IGFL2: variants seen among roughly 807,000 people sequenced by gnomAD.
The protein encoded by IGFL2 is insulin growth factor-like family member 2.
In IGFL2, 7 loss-of-function variants were observed where a neutral mutation model predicts 13.9. That is an observed-to-expected ratio of 0.51 (90% CI 0.29 to 0.95). The LOEUF is 0.95. Among genes scored for constraint, IGFL2 ranks in the 40% least tolerant of loss-of-function variants. IGFL2 has a pLI of 0.08. For missense variants in IGFL2, 138 were observed against 147.8 expected (o/e 0.93, Z 0.34); for synonymous variants, 55 against 55.8 (o/e 0.99, Z 0.07).
the IGFL2 span, among the ~76,000 whole-genome samples, chr19:46,097,432 A>G: frequency 1.1e-4 from 16 of 151,800 alleles, no homozygotes; most frequent in African/African-American, 3.4e-4. Context: ...CTAGCAGTCT[A>G]TTGATTTTAT....
chr19:46,139,355 T>A (rs775842630), upstream of IGFL2, among the ~76,000 whole-genome samples: 31 of 150,494 alleles, frequency 2.1e-4, no homozygotes, highest in Non-Finnish European at 4.0e-4. Context: ...TTTTTTTTTT[T>A]AAAAACGAAA....
downstream of IGFL2, among the ~76,000 whole-genome samples, chr19:46,161,747 A>C (rs545877793): frequency 6.6e-6 from 1 of 152,244 alleles, no homozygotes; most frequent in African/African-American, 2.4e-5. Flanking sequence ...ACAGCATACC[A>C]TTGGGTCTTG....
the IGFL2 span, among the ~76,000 whole-genome samples, chr19:46,126,466 C>T: frequency 4.0e-4 from 61 of 152,324 alleles, 2 homozygotes; most frequent in South Asian, 0.013. Flanking sequence ...TTTGACAACT[C>T]CTTCTGCCTT....
At chr19:46,127,010 A>G in the IGFL2 span, among the ~76,000 whole-genome samples, 1 of 152,202 alleles carries the variant, frequency 6.6e-6, no homozygotes, top group South Asian at 2.1e-4. Context: ...AGATGAAGAC[A>G]CACTTGAAAA....
the IGFL2 span, among the ~76,000 whole-genome samples, chr19:46,169,434 C>G: frequency 8.2e-4 from 125 of 152,100 alleles, 2 homozygotes; most frequent in Middle Eastern, 0.017. Context: ...AAAATAATGC[C>G]ACTCAAAAGA....
the IGFL2 span, among the ~76,000 whole-genome samples, chr19:46,174,536 A>T: frequency 6.6e-6 from 1 of 152,208 alleles, no homozygotes; most frequent in South Asian, 2.1e-4. Flanking sequence ...GAAAAACTGG[A>T]TGTTGGTGGG....
chr19:46,138,444 G>A (rs1251484956), upstream of IGFL2, among the ~76,000 whole-genome samples: 1 of 152,180 alleles, frequency 6.6e-6, no homozygotes, highest in Non-Finnish European at 1.5e-5. Context: ...CTCCAACGTG[G>A]GGTGTTGACA....
the IGFL2 span, among the ~76,000 whole-genome samples, chr19:46,175,811 G>A: frequency 6.7e-6 from 1 of 150,268 alleles, no homozygotes; most frequent in East Asian, 2.0e-4. Flanking sequence ...AAAGTGCTGG[G>A]ATTACAAGCA....
chr19:46,134,593 A>G, the IGFL2 span, among the ~76,000 whole-genome samples: 1 of 152,202 alleles, frequency 6.6e-6, no homozygotes, highest in Non-Finnish European at 1.5e-5. Flanking sequence ...CTCATATTAG[A>G]TAAGGAGTAT....
chr19:46,104,005 C>T, the IGFL2 span, among the ~76,000 whole-genome samples: 5 of 152,060 alleles, frequency 3.3e-5, no homozygotes, highest in South Asian at 2.1e-4. Context: ...TCCAGTCCAT[C>T]GAGGTTGTAG....
At chr19:46,147,674 T>C (rs1973211838), upstream of IGFL2, 1 of 152,188 alleles carries the variant, frequency 6.6e-6, no homozygotes, top group African/African-American at 2.4e-5. Flanking sequence ...AGGGGATAAA[T>C]AGCTTGTTGT....
chr19:46,084,247 G>C, the IGFL2 span, among the ~76,000 whole-genome samples: 1 of 152,198 alleles, frequency 6.6e-6, no homozygotes, highest in Non-Finnish European at 1.5e-5. Flanking sequence ...GTGCAGTTGA[G>C]AAGAATGTGT....
rs1416512698 is a variant in IGFL2 at position 46,161,173 on chromosome 19, A to T, written c.*85A>T. 9.6e-7 allele frequency: 1 copy of T among 1,044,590 alleles called. No individual in the cohort carries two copies. The highest frequency in any genetic ancestry group is 1.4e-6 in the Non-Finnish European group (1 of 697,736). 64.7% of individuals were successfully genotyped at this position (1,044,590 alleles called of 1,614,324 possible). On this transcript the variant is annotated 3_prime_UTR_variant, in exon 4 of 4. Transcript: ENST00000377693. ...ATATGTGTACCAGTAGAGAAGCCTGAGGAATTTACAAAATGATGCAGCTCC... is the reference window on the plus strand; with the variant it reads ...ATATGTGTACCAGTAGAGAAGCCTGTGGAATTTACAAAATGATGCAGCTCC...
At chr19:46,137,642 C>T in the IGFL2 span, 1 of 740,248 alleles carries the variant, frequency 1.4e-6, no homozygotes, top group African/African-American at 1.7e-5. Context: ...CTGCGTGACC[C>T]AGGATGGGGA....
At chr19:46,196,833 CCCT>C in the IGFL2 span, 1 of 152,714 alleles carries the variant, frequency 6.5e-6, no homozygotes, top group African/African-American at 2.4e-5. Flanking sequence ...TCCTCCAGAG[CCCT>C]CCTCTTCTTC....
the IGFL2 span, among the ~76,000 whole-genome samples, chr19:46,136,080 T>C: frequency 1.3e-5 from 2 of 152,182 alleles, no homozygotes; most frequent in African/African-American, 2.4e-5. Context: ...ATGGTCCTCA[T>C]GTATAGTATC....
the IGFL2 span, among the ~76,000 whole-genome samples, chr19:46,123,600 C>T: frequency 6.6e-6 from 1 of 150,852 alleles, no homozygotes; most frequent in Non-Finnish European, 1.5e-5. Context: ...TGTTTTTTTA[C>T]ATCAGGAAGG....
chr19:46,111,240 T>C, the IGFL2 span: 25 of 152,618 alleles, frequency 1.6e-4, 1 homozygote, highest in African/African-American at 4.8e-4. Flanking sequence ...CTCCTACAAC[T>C]TGCAGTACCA....
intron 1 of IGFL2, chr19:46,160,134 T>C: frequency 2.2e-6 from 1 of 460,464 alleles, no homozygotes; most frequent in Non-Finnish European, 4.0e-6. Context: ...TGCTCCCTCC[T>C]TTTTCCAACT....
Sources: gnomAD v4.1 joint callset for allele counts (sites outside exome capture counted in the v4.1 genomes callset) on GRCh38, gnomAD v4.1.1 for gene constraint, MANE v1.5 for transcripts, NCBI Gene and HGNC (gene_info 2026-07-23, HGNC 2026-07-21) for gene names.